The following NR3C2 variants were observed in gnomAD, a reference collection of about 807,000 sequenced individuals.
The protein encoded by NR3C2 is mineralocorticoid receptor.
NR3C2 carries 15 observed loss-of-function variants against 86.4 expected under a neutral mutation model. The ratio of observed to expected loss-of-function variants is 0.17; its 90% CI spans 0.12 to 0.27. NR3C2 has a LOEUF of 0.27. Ranked by LOEUF, NR3C2 falls within the 10% of genes least tolerant of loss-of-function variation. The pLI is 1.00. For synonymous variants in NR3C2, 458 were observed against 450.5 expected (o/e 1.02, Z -0.21); for missense variants, 960 against 1,195.6 (o/e 0.80, Z 2.91).
chr4:148,439,997 TCAC>T (rs1357984613), intron 1 of NR3C2, among the ~76,000 whole-genome samples: 1 of 152,206 alleles, frequency 6.6e-6, no homozygotes, highest in Non-Finnish European at 1.5e-5. Flanking sequence ...AGGCTGTGTT[TCAC>T]CACATTATTG....
At chr4:148,203,292 C>A (rs942055891) in intron 3 of NR3C2, among the ~76,000 whole-genome samples, 3 of 151,806 alleles carry the variant, frequency 2.0e-5, no homozygotes, top group African/African-American at 4.8e-5. Context: ...AATAACCAGA[C>A]CTTATGTACA....
Position 148,442,411 on chromosome 4 carries a change from A to AGAGGAG in NR3C2, c.-255_-254insCTCCTC, listed in dbSNP as rs897625794. Reference sequence around the variant, plus strand: ...TGACACCCCGGGCGCGGAGGGGCTGAGAGGAGGGGGCAGGGGCAGGGGCAG... The same window carrying AGAGGAG: ...TGACACCCCGGGCGCGGAGGGGCTGAGAGGAGGAGGAGGGGGCAGGGGCAGGGGCAG... On this transcript the variant is annotated 5_prime_UTR_variant, in exon 1 of 9. Coordinates refer to ENST00000358102, the MANE Select transcript of NR3C2 (RefSeq NM_000901.5). The AGAGGAG allele has an allele frequency of 6.5e-6, 1 of 153,894 alleles. No homozygotes were observed. The highest frequency in any genetic ancestry group is 2.4e-5 in the African/African-American group (1 of 40,966). The allele number at this position is 153,894 out of a possible 1,614,324, so 9.5% of individuals were successfully genotyped here.
intron 7 of NR3C2, among the ~76,000 whole-genome samples, chr4:148,119,945 G>A (rs1330494821): frequency 1.3e-5 from 2 of 152,222 alleles, no homozygotes; most frequent in African/African-American, 4.8e-5. Context: ...ATGAAGGAAT[G>A]TTGGGGTATG....
chr4:148,166,094 A>G (rs1734865454), intron 4 of NR3C2, among the ~76,000 whole-genome samples: 1 of 152,264 alleles, frequency 6.6e-6, no homozygotes, highest in Non-Finnish European at 1.5e-5. Context: ...AATTAATAGT[A>G]GCCAATGATG....
chr4:148,298,376 C>A (rs1035678511), intron 2 of NR3C2, among the ~76,000 whole-genome samples: 1 of 152,128 alleles, frequency 6.6e-6, no homozygotes, highest in African/African-American at 2.4e-5. Flanking sequence ...GTGATGGCTG[C>A]CGGAAGAAGG....
intron 4 of NR3C2, among the ~76,000 whole-genome samples, chr4:148,165,630 CTG>C (rs1157022959): frequency 6.6e-5 from 10 of 151,984 alleles, no homozygotes; most frequent in Non-Finnish European, 1.0e-4. Flanking sequence ...GAAAAGAAAA[CTG>C]TGTTTTACTC....
intron 8 of NR3C2, among the ~76,000 whole-genome samples, chr4:148,102,461 C>T (rs1247429878): frequency 6.6e-6 from 1 of 152,204 alleles, no homozygotes; most frequent in Non-Finnish European, 1.5e-5. Flanking sequence ...GATCTCCTGG[C>T]CCTGAGCCCC....
At chr4:148,274,122 A>G (rs1405656246) in intron 2 of NR3C2, among the ~76,000 whole-genome samples, 1 of 152,102 alleles carries the variant, frequency 6.6e-6, no homozygotes, top group Non-Finnish European at 1.5e-5. Flanking sequence ...GTGAGAAAAG[A>G]AAGGGAGAGA....
intron 8 of NR3C2, among the ~76,000 whole-genome samples, chr4:148,087,516 A>G (rs1730868902): frequency 6.6e-6 from 1 of 152,184 alleles, no homozygotes; most frequent in South Asian, 2.1e-4. Flanking sequence ...TAAAACAGAT[A>G]TATAGACCAA....
At chr4:148,186,296 A>T (rs960901203) in intron 4 of NR3C2, among the ~76,000 whole-genome samples, 2 of 151,518 alleles carry the variant, frequency 1.3e-5, no homozygotes, top group Non-Finnish European at 2.9e-5. Flanking sequence ...TCCTTTACCC[A>T]TTTTTTTAAT....
At chr4:148,103,340 G>A (rs1160599480) in intron 8 of NR3C2, among the ~76,000 whole-genome samples, 1 of 152,154 alleles carries the variant, frequency 6.6e-6, no homozygotes, top group East Asian at 1.9e-4. Flanking sequence ...TAGGCCCCAG[G>A]TCTCTCATGT....
intron 4 of NR3C2, among the ~76,000 whole-genome samples, chr4:148,168,620 G>T (rs1012098068): frequency 2.6e-5 from 4 of 152,204 alleles, no homozygotes; most frequent in African/African-American, 9.7e-5. Flanking sequence ...GGATAGGTTG[G>T]AAGGCATTTG....
intron 2 of NR3C2, among the ~76,000 whole-genome samples, chr4:148,261,621 GGGGCTCAGAGAAATGGGAGCTGGAT>G (rs1159495302): frequency 6.6e-6 from 1 of 152,186 alleles, no homozygotes; most frequent in Non-Finnish European, 1.5e-5. Flanking sequence ...TGTGCAGAAG[GGGGCTCAGAGAAATGGGAGCTGGAT>G]GGGCTCAGAA....
At chr4:148,256,556 G>A (rs1739842346) in intron 3 of NR3C2, among the ~76,000 whole-genome samples, 1 of 152,192 alleles carries the variant, frequency 6.6e-6, no homozygotes, top group Non-Finnish European at 1.5e-5. Context: ...GAGGCCCAGA[G>A]AAGTTTTAAA....
At chr4:148,110,934 AG>A (rs1451741728) in intron 8 of NR3C2, among the ~76,000 whole-genome samples, 1 of 152,210 alleles carries the variant, frequency 6.6e-6, no homozygotes, top group Non-Finnish European at 1.5e-5. Context: ...GGCTTACACT[AG>A]GGCTTCTCAG....
At chr4:148,090,972 G>A (rs779205859) in intron 8 of NR3C2, among the ~76,000 whole-genome samples, 16 of 152,244 alleles carry the variant, frequency 1.1e-4, no homozygotes, top group Non-Finnish European at 2.2e-4. Flanking sequence ...CTGTAAGCAT[G>A]ATGTCACCAG....
intron 2 of NR3C2, among the ~76,000 whole-genome samples, chr4:148,298,478 A>G (rs1451860436): frequency 6.6e-6 from 1 of 152,258 alleles, no homozygotes; most frequent in Non-Finnish European, 1.5e-5. Flanking sequence ...ACCAAAATAA[A>G]GAAGTGGCAT....
chr4:148,415,502 G>A (rs1383355005), intron 2 of NR3C2, among the ~76,000 whole-genome samples: 5 of 152,122 alleles, frequency 3.3e-5, no homozygotes, highest in African/African-American at 9.7e-5. Context: ...TTTAATAGAT[G>A]TTACAACAAA....
chr4:148,150,588 C>T (rs1231016486), intron 6 of NR3C2, among the ~76,000 whole-genome samples: 1 of 152,170 alleles, frequency 6.6e-6, no homozygotes, highest in African/African-American at 2.4e-5. Context: ...AAAAGGATGA[C>T]AGTTTATAGC....
Sources: allele counts gnomAD v4.1 joint callset (sites outside exome capture counted in the v4.1 genomes callset), GRCh38; gene constraint gnomAD v4.1.1; transcripts MANE v1.5; gene names NCBI Gene and HGNC (gene_info 2026-07-23, HGNC 2026-07-21).